EVI5: variants seen among roughly 807,000 people sequenced by gnomAD.
EVI5 encodes ecotropic viral integration site 5.
Under a neutral mutation model 112.0 loss-of-function variants are expected in EVI5, and 73 were observed. The ratio of observed to expected loss-of-function variants is 0.65; its 90% CI spans 0.54 to 0.79. EVI5 has a LOEUF of 0.79. Among genes scored for constraint, EVI5 ranks in the 30% least tolerant of loss-of-function variants. The pLI is 0.00. For synonymous variants in EVI5, 305 were observed against 319.9 expected, an observed-to-expected ratio of 0.95 and a Z score of 0.50; for missense variants, 900 against 968.8, an observed-to-expected ratio of 0.93 and a Z score of 0.94.
intron 2 of EVI5, chr1:92,732,529 G>T: frequency 5.2e-6 from 1 of 192,038 alleles, no homozygotes; most frequent in South Asian, 9.2e-5. Context: ...GCAAAGAGAA[G>T]GGCAAACCAA....
chr1:92,706,169 G>A (rs755428463), intron 2 of EVI5, among the ~76,000 whole-genome samples: 4 of 151,800 alleles, frequency 2.6e-5, no homozygotes, highest in Non-Finnish European at 5.9e-5. Context: ...CAGCCAAAGT[G>A]AGCATCAACT....
intron 16 of EVI5, among the ~76,000 whole-genome samples, chr1:92,616,066 C>T (rs533791207): frequency 7.2e-4 from 110 of 152,186 alleles, no homozygotes; most frequent in Admixed American, 3.1e-3. Flanking sequence ...AGTTGAAAGA[C>T]GGACTAGAAG....
intron 9 of EVI5, among the ~76,000 whole-genome samples, chr1:92,689,516 G>A (rs1039482414): frequency 1.3e-5 from 2 of 152,068 alleles, no homozygotes; most frequent in South Asian, 2.1e-4. Flanking sequence ...GTGTGCTGGC[G>A]CCACCACATC....
At chr1:92,629,657 T>C (rs1303719549) in intron 14 of EVI5, among the ~76,000 whole-genome samples, 1 of 151,392 alleles carries the variant, frequency 6.6e-6, no homozygotes, top group African/African-American at 2.4e-5. Context: ...TGAAATTTTC[T>C]TTTTTTTTCT....
chr1:92,539,702 T>C (rs1664500600), intron 19 of EVI5, among the ~76,000 whole-genome samples: 1 of 152,186 alleles, frequency 6.6e-6, no homozygotes, highest in Non-Finnish European at 1.5e-5. Context: ...TAAAATGACC[T>C]TGAGATATAA....
chr1:92,648,230 C>T (rs751121740), intron 13 of EVI5, among the ~76,000 whole-genome samples: 7 of 143,666 alleles, frequency 4.9e-5, no homozygotes, highest in Non-Finnish European at 9.1e-5. Context: ...AAAAACCAGC[C>T]GGGCATGGTG....
Position 92,677,228 on chromosome 1 carries a change from G to T in EVI5, c.1098-10C>A. On this transcript the variant is annotated splice_polypyrimidine_tract_variant and intron_variant, in intron 9 of 19. Coordinates refer to ENST00000684568, the MANE Select transcript of EVI5 (RefSeq NM_001350197.2). The stretch of plus-strand genomic sequence containing the variant: ...GTATTCCTTTTCAAGCCTAAGAAAG[G>T]AAAAAAAAAGAGTTAAAGGTAATGT... The T allele has an allele frequency of 7.1e-7, 1 of 1,405,468 alleles. No homozygotes were observed. Among genetic ancestry groups the T allele is most frequent in the Non-Finnish European group, 9.7e-7 (1 of 1,030,402 alleles). The allele number at this position is 1,405,468 out of a possible 1,614,324, so 87.1% of individuals were successfully genotyped here. A position where few individuals can be genotyped will look rare whatever the true frequency, so the allele number is the denominator to read the frequency against.
intron 10 of EVI5, among the ~76,000 whole-genome samples, chr1:92,672,768 C>A (rs1017467535): frequency 6.6e-6 from 1 of 152,062 alleles, no homozygotes; most frequent in African/African-American, 2.4e-5. Flanking sequence ...TAGCATACCT[C>A]CCTTGGATAT....
At chr1:92,755,960 A>C (rs1183978111) in intron 1 of EVI5, 2 of 170,024 alleles carry the variant, frequency 1.2e-5, no homozygotes, top group Non-Finnish European at 2.7e-5. Context: ...TGCCATTGTG[A>C]GCGATCACGT....
At chr1:92,695,614 T>G (rs985331951) in intron 6 of EVI5, among the ~76,000 whole-genome samples, 161 bp from the exon 7 acceptor site, 6 of 152,074 alleles carry the variant, frequency 3.9e-5, no homozygotes, top group African/African-American at 1.4e-4. Context: ...GTGGCTAGTA[T>G]CTAGGAAAGA....
chr1:92,756,382 A>G, intron 1 of EVI5: 2 of 530,202 alleles, frequency 3.8e-6, no homozygotes, highest in South Asian at 1.4e-5. Flanking sequence ...TACTGTTGCA[A>G]AATTACCCCT....
intron 19 of EVI5, among the ~76,000 whole-genome samples, chr1:92,520,569 G>A (rs1660734354): frequency 6.6e-6 from 1 of 152,096 alleles, no homozygotes; most frequent in Non-Finnish European, 1.5e-5. Context: ...AAGAATTAGC[G>A]GCCAGGCATG....
At chr1:92,758,635 A>G (rs1681337011) in intron 1 of EVI5, among the ~76,000 whole-genome samples, 1 of 152,086 alleles carries the variant, frequency 6.6e-6, no homozygotes, top group Non-Finnish European at 1.5e-5. Context: ...ATGTTAATGC[A>G]ACAAAAAGTG....
chr1:92,721,695 T>A (rs529934589), intron 2 of EVI5, among the ~76,000 whole-genome samples: 84 of 152,058 alleles, frequency 5.5e-4, no homozygotes, highest in African/African-American at 2.0e-3. Context: ...TTTTTAAAAC[T>A]CCAGTAATTA....
At chr1:92,544,661 T>A (rs1665384056) in intron 19 of EVI5, among the ~76,000 whole-genome samples, 1 of 152,124 alleles carries the variant, frequency 6.6e-6, no homozygotes, top group South Asian at 2.1e-4. Context: ...TAGTATTCAC[T>A]TTTTTTCAGA....
At chr1:92,644,382 C>A (rs1464451413) in intron 13 of EVI5, among the ~76,000 whole-genome samples, 1 of 152,190 alleles carries the variant, frequency 6.6e-6, no homozygotes, top group Non-Finnish European at 1.5e-5. Flanking sequence ...AAGTTAATGT[C>A]ATTCCTGACA....
At chr1:92,703,795 T>G in intron 3 of EVI5, 176 bp from the exon 4 acceptor site, 1 of 565,268 alleles carries the variant, frequency 1.8e-6, no homozygotes. Flanking sequence ...GATTGGGCCC[T>G]GGGTGTATCC....
chr1:92,620,267 A>G (rs1180178617), intron 16 of EVI5, among the ~76,000 whole-genome samples: 1 of 150,774 alleles, frequency 6.6e-6, no homozygotes, highest in Non-Finnish European at 1.5e-5. Context: ...CATGGCTTGA[A>G]CCCAGGTGGC....
At chr1:92,682,504 G>A (rs543694221) in intron 9 of EVI5, among the ~76,000 whole-genome samples, 11 of 152,276 alleles carry the variant, frequency 7.2e-5, no homozygotes, top group African/African-American at 2.4e-4. Flanking sequence ...GCTCATGCCT[G>A]TAATCCCAGC....
Sources: allele counts gnomAD v4.1 joint callset (sites outside exome capture counted in the v4.1 genomes callset), GRCh38; gene constraint gnomAD v4.1.1; transcripts MANE v1.5; gene names NCBI Gene and HGNC (gene_info 2026-07-23, HGNC 2026-07-21).